ETF1: variants seen among roughly 807,000 people sequenced by gnomAD.
ETF1 encodes the protein eukaryotic peptide chain release factor subunit 1.
Under a neutral mutation model 55.1 loss-of-function variants are expected in ETF1, and 4 were observed. That is an observed-to-expected ratio of 0.07 (90% confidence interval 0.04 to 0.17). The LOEUF (loss-of-function observed/expected upper bound fraction) is 0.17. Among genes scored for constraint, ETF1 ranks in the 10% least tolerant of loss-of-function variants. ETF1 has a pLI of 1.00. For synonymous variants in ETF1, 157 were observed against 182.3 expected (o/e 0.86, Z 1.12); for missense variants, 142 against 523.6 (o/e 0.27, Z 7.11).
In ETF1 at chr5:138,520,946, AT is replaced by A. The variant is rs561700000; in HGVS notation, c.87-2080del. 2.7e-3 allele frequency among the ~76,000 whole-genome samples: 411 copies of A among 151,838 alleles called. 4 individuals are homozygous for A. Among genetic ancestry groups the A allele is most frequent in the African/African-American group, 8.6e-3 (358 of 41,406 alleles). On this transcript the variant is annotated intron_variant, in intron 2 of 10. Transcript: ENST00000360541. ...TGTGGTAGCTCTTCCAAAAAAAAAA[AT>A]TTTTTTTTAACACCTAATTACCATA...
At chr5:138,538,620 G>T (rs540591037) in intron 2 of ETF1, among the ~76,000 whole-genome samples, 1 of 151,704 alleles carries the variant, frequency 6.6e-6, no homozygotes, top group African/African-American at 2.4e-5. Flanking sequence ...TTGTATCAAA[G>T]ACCACAATGT....
chr5:138,532,307 G>A (rs1765734943), intron 2 of ETF1, among the ~76,000 whole-genome samples: 1 of 152,158 alleles, frequency 6.6e-6, no homozygotes, highest in Non-Finnish European at 1.5e-5. Flanking sequence ...CAGAATAGGA[G>A]GAGCCCAGAT....
chr5:138,523,549 C>T (rs978159490), intron 2 of ETF1, among the ~76,000 whole-genome samples: 2 of 152,024 alleles, frequency 1.3e-5, no homozygotes, highest in Non-Finnish European at 2.9e-5. Flanking sequence ...AAAAACACCA[C>T]ATATTGTATA....
In ETF1 at chr5:138,543,196, C is replaced by T. The variant is rs978075275; in HGVS notation, c.-118G>A. ...AGGACACCGGCTCCCTCTCTCCAGGCAGCTGCATGTGTTGCAATCCGCTCA... is the reference window on the plus strand; with the variant it reads ...AGGACACCGGCTCCCTCTCTCCAGGTAGCTGCATGTGTTGCAATCCGCTCA... On this transcript the variant is annotated 5_prime_UTR_variant, in exon 1 of 11. Coordinates refer to ENST00000360541, the MANE Select transcript of ETF1 (RefSeq NM_004730.4). 3.8e-5 allele frequency: 21 copies of T among 547,482 alleles called. No homozygotes were observed. The highest frequency in any genetic ancestry group is 9.7e-5 in the South Asian group (4 of 41,102). The allele number at this position is 547,482 out of a possible 1,614,324, so 33.9% of individuals were successfully genotyped here. A position where few individuals can be genotyped will look rare whatever the true frequency, so the allele number is the denominator to read the frequency against.
chr5:138,508,998 C>G (rs779715689), intron 9 of ETF1, 182 bp from the exon 10 acceptor site: 1 of 983,248 alleles, frequency 1.0e-6, no homozygotes, highest in South Asian at 4.7e-5. Flanking sequence ...CAGAGAAATT[C>G]GGATTATTTC....
At chr5:138,512,385 A>G (rs1173280974) in intron 6 of ETF1, among the ~76,000 whole-genome samples, 2 of 150,652 alleles carry the variant, frequency 1.3e-5, no homozygotes, top group Non-Finnish European at 2.9e-5. Context: ...CTTTAGGCTG[A>G]ATCAGCTGTC....
chr5:138,541,582 G>T (rs958878041), intron 2 of ETF1: 2 of 1,533,180 alleles, frequency 1.3e-6, no homozygotes, highest in African/African-American at 2.7e-5. Context: ...ATAATGAAGA[G>T]CTTGGAGGGG....
At chr5:138,512,238 ATATATATATATATATATATATT>A (rs1764828548) in intron 6 of ETF1, among the ~76,000 whole-genome samples, 1 of 5,654 alleles carries the variant, frequency 1.8e-4, no homozygotes, top group South Asian at 6.3e-3. Flanking sequence ...ATATATATAT[ATATATATATATATATATATATT>A]TTTTTTTTTT....
At chr5:138,511,002 T>C in intron 8 of ETF1, 43 bp downstream of exon 8, 1 of 1,597,640 alleles carries the variant, frequency 6.3e-7, no homozygotes, top group East Asian at 2.2e-5. Context: ...CCAGGCTTCC[T>C]GGCTCAGTAA....
At chr5:138,536,262 T>C (rs1213498236) in intron 2 of ETF1, among the ~76,000 whole-genome samples, 1 of 152,070 alleles carries the variant, frequency 6.6e-6, no homozygotes, top group Non-Finnish European at 1.5e-5. Flanking sequence ...GAAGAACAAA[T>C]GAAAATGTGA....
rs181911136 is a variant in ETF1, at chr5:138,534,101, C to T, written c.86+8732G>A. Among the ~76,000 whole-genome samples, 134 of 152,198 alleles carry T rather than the reference C, an allele frequency of 8.8e-4. 1 individual carries two copies. The highest frequency in any genetic ancestry group is 3.1e-3 in the African/African-American group (128 of 41,530). ...TACCAAATGGGAGAAATACCAAGAC[C>T]GGAACTTACTGAGACATTACAGCAA... On this transcript the variant is annotated intron_variant, in intron 2 of 10. Coordinates refer to ENST00000360541, the MANE Select transcript of ETF1 (RefSeq NM_004730.4).
Position 138,518,849 on chromosome 5 carries a change from T to C in ETF1, c.105A>G (p.Ile35Met), listed in dbSNP as rs1561834648. The change falls in exon 3 of 11, where the codon ATA (isoleucine) becomes ATG (methionine). Residue 35 changes from isoleucine (I) to methionine (M), a missense_variant. Ile to Met is a conservative substitution (Grantham distance 10). This residue lies in a region of ETF1 where 11 missense variants were observed against 92.7 expected (regional missense o/e 0.12). Transcript: ENST00000360541. ...EAARGNGTSMISLIIPPKDQI... is the reference protein window; with the variant it reads ...EAARGNGTSMMSLIIPPKDQI... ...GGTCTTTGGGAGGAATGATCAATGA[T>C]ATCATGCTGGTGCCATTGCTGTGGA... The C allele has an allele frequency of 6.2e-7, 1 of 1,613,930 alleles. No individual in the cohort carries two copies.
At position 138,510,063 on chromosome 5, in the gene ETF1, A is replaced by G. The variant is rs561182776; in HGVS notation, c.1083+502T>C. 4.2e-5 allele frequency among the ~76,000 whole-genome samples: 5 copies of G among 118,918 alleles called. No individual in the cohort carries two copies. In the South Asian group the frequency reaches 1.1e-3, roughly 25 times the overall value. 78.0% of individuals were successfully genotyped at this position (118,918 alleles called of 152,430 possible). On this transcript the variant is annotated intron_variant, in intron 9 of 10. Transcript: ENST00000360541. ...GACAGACCAGGACCCTATCTCAAAG[A>G]AAAAAAAAAAAAGACCGGTCATGGT...
chr5:138,514,409 G>A (rs1764933060), intron 4 of ETF1, among the ~76,000 whole-genome samples: 1 of 152,096 alleles, frequency 6.6e-6, no homozygotes, highest in African/African-American at 2.4e-5. Flanking sequence ...ACAAAAATTA[G>A]GTGGCTGTGG....
chr5:138,524,792 G>A (rs1484444934), intron 2 of ETF1, among the ~76,000 whole-genome samples: 1 of 151,774 alleles, frequency 6.6e-6, no homozygotes, highest in African/African-American at 2.4e-5. Flanking sequence ...TGGCCAGGAT[G>A]GTCTTGATCT....
Position 138,510,635 on chromosome 5 carries a change from G to A in ETF1, c.1019-6C>T, listed in dbSNP as rs1207233560. 4 of 1,612,206 alleles carry A rather than the reference G, an allele frequency of 2.5e-6. No individual in the cohort carries two copies. Among genetic ancestry groups the A allele is most frequent in the East Asian group, 2.2e-5 (1 of 44,870 alleles). On this transcript the variant is annotated splice_polypyrimidine_tract_variant and splice_region_variant and intron_variant, in intron 8 of 10. Transcript: ENST00000360541. ...TAGATAGAGAATTTTCTCCTCTGTA[G>A]TATTAGGAGGAAAAAATGTGTTAAC... is the stretch of plus-strand genomic sequence containing the variant.
chr5:138,518,074 C>G (rs1765093151), intron 3 of ETF1: 1 of 154,602 alleles, frequency 6.5e-6, no homozygotes, highest in Non-Finnish European at 1.4e-5. Context: ...TGGTGATGGG[C>G]ACCTGTAGTC....
chr5:138,510,972 A>G (rs982313569), intron 8 of ETF1, 73 bp downstream of exon 8: 34 of 1,565,186 alleles, frequency 2.2e-5, no homozygotes, highest in Middle Eastern at 2.3e-4. Context: ...GAAATCAGCC[A>G]TCCCTCCCAA....
chr5:138,526,456 T>C (rs1382047664), intron 2 of ETF1, among the ~76,000 whole-genome samples: 2 of 152,170 alleles, frequency 1.3e-5, no homozygotes, highest in African/African-American at 4.8e-5. Flanking sequence ...AGGGATCTCA[T>C]TAACAGGACC....
Sources: allele counts gnomAD v4.1 joint callset (sites outside exome capture counted in the v4.1 genomes callset), GRCh38; gene constraint gnomAD v4.1.1; regional missense constraint gnomAD v4.1.1; transcripts MANE v1.5; gene names NCBI Gene and HGNC (gene_info 2026-07-23, HGNC 2026-07-21).